The following CXCL13 variants were observed in gnomAD, a reference collection of about 807,000 sequenced individuals.
CXCL13 encodes the protein C-X-C motif chemokine ligand 13, also known as C-X-C motif chemokine 13.
Under a neutral mutation model 12.2 loss-of-function variants are expected in CXCL13, and 7 were observed. That is an observed-to-expected ratio of 0.57 (90% CI 0.33 to 1.07). CXCL13 has a LOEUF of 1.07. Among genes scored for constraint, CXCL13 ranks in the 50% least tolerant of loss-of-function variants. The pLI, the probability that CXCL13 is intolerant of heterozygous loss-of-function variation, is 0.04. For missense variants in CXCL13, 113 were observed against 127.4 expected (o/e 0.89, Z 0.55); for synonymous variants, 47 against 42.4 (o/e 1.11, Z -0.42).
chr4:77,559,689 G>A (rs1208122648), intron 1 of CXCL13, among the ~76,000 whole-genome samples: 4 of 152,048 alleles, frequency 2.6e-5, no homozygotes, highest in African/African-American at 4.8e-5. Context: ...TTGGGAGGCC[G>A]AGGCAGGCAG....
chr4:77,564,910 G>A (rs534379461), intron 1 of CXCL13, among the ~76,000 whole-genome samples: 5 of 152,206 alleles, frequency 3.3e-5, no homozygotes. Flanking sequence ...GTAGGGGTTA[G>A]GGTGGGGGCA....
intron 1 of CXCL13, among the ~76,000 whole-genome samples, chr4:77,523,539 G>A (rs759005684): frequency 5.3e-5 from 8 of 152,064 alleles, no homozygotes; most frequent in Non-Finnish European, 1.0e-4. Context: ...CGAAGTTCTC[G>A]TGCCATGGTT....
At chr4:77,533,011 C>T (rs1401074393) in intron 1 of CXCL13, among the ~76,000 whole-genome samples, 2 of 150,352 alleles carry the variant, frequency 1.3e-5, no homozygotes, top group African/African-American at 2.5e-5. Flanking sequence ...GTAGTTTGAT[C>T]GTCTGAAGTC....
At chr4:77,608,564 C>T (rs893445588) in intron 2 of CXCL13, among the ~76,000 whole-genome samples, 3 of 152,192 alleles carry the variant, frequency 2.0e-5, no homozygotes, top group African/African-American at 4.8e-5. Flanking sequence ...TCAGGGCATC[C>T]CTGACTTGGC....
intron 1 of CXCL13, among the ~76,000 whole-genome samples, chr4:77,588,561 AT>A (rs1312115067): frequency 2.0e-5 from 3 of 152,104 alleles, no homozygotes; most frequent in Non-Finnish European, 4.4e-5. Context: ...TAAATATGTA[AT>A]TTTTTCTTAT....
chr4:77,605,421 G>A (rs535262659), upstream of CXCL13, among the ~76,000 whole-genome samples: 1 of 152,152 alleles, frequency 6.6e-6, no homozygotes, highest in Non-Finnish European at 1.5e-5. Flanking sequence ...TGCTAGGGAC[G>A]TGATGCGCTC....
At chr4:77,610,760 A>G (rs1727126739) in intron 3 of CXCL13, 66 bp downstream of exon 3, 1 of 1,214,822 alleles carries the variant, frequency 8.2e-7, no homozygotes, top group Non-Finnish European at 1.2e-6. Flanking sequence ...TTTCCTGGGC[A>G]GTCAAAATAG....
chr4:77,599,086 G>A (rs1466972132), intron 1 of CXCL13, among the ~76,000 whole-genome samples: 3 of 151,928 alleles, frequency 2.0e-5, no homozygotes, highest in African/African-American at 7.3e-5. Flanking sequence ...AGAGATTACA[G>A]GCATGAGCCA....
chr4:77,545,254 T>C (rs992404992), intron 1 of CXCL13, among the ~76,000 whole-genome samples: 10 of 152,210 alleles, frequency 6.6e-5, no homozygotes, highest in Non-Finnish European at 1.3e-4. Flanking sequence ...CCATATGAAC[T>C]TTAAAGTAGT....
At chr4:77,532,454 C>A (rs911707336) in intron 1 of CXCL13, among the ~76,000 whole-genome samples, 1 of 152,152 alleles carries the variant, frequency 6.6e-6, no homozygotes, top group Non-Finnish European at 1.5e-5. Context: ...GGTAACCTGA[C>A]CTTTCTCTCT....
chr4:77,577,457 T>G (rs1475547953), intron 1 of CXCL13, among the ~76,000 whole-genome samples: 2 of 152,110 alleles, frequency 1.3e-5, no homozygotes, highest in Admixed American at 1.3e-4. Flanking sequence ...CAGACAATAA[T>G]GGAAGTTAAA....
rs568294936 is a variant in CXCL13 at position 77,582,747 on chromosome 4, T to C, written c.-42-23077T>C. Among the ~76,000 whole-genome samples the C allele has an allele frequency of 3.3e-5, 5 of 152,302 alleles. No homozygotes were observed. In the South Asian group the frequency reaches 8.3e-4, roughly 25 times the overall value. On this transcript the variant is annotated intron_variant, in intron 1 of 4. Coordinates refer to the CXCL13 transcript ENST00000286758. ...ACATATTTTTTAAAAATGCTTCTGC[T>C]GCAATATGAAGAATTGGTGCAGGGG...
chr4:77,553,759 C>T (rs1042825181), intron 1 of CXCL13, among the ~76,000 whole-genome samples: 2 of 152,188 alleles, frequency 1.3e-5, no homozygotes, highest in South Asian at 2.1e-4. Flanking sequence ...TACTACCTCG[C>T]TGTTTCCGAG....
rs561826245 is a variant in CXCL13 at position 77,534,056 on chromosome 4, G to A, written c.-43+22268G>A. Among the ~76,000 whole-genome samples the A allele has an allele frequency of 2.4e-4, 37 of 152,244 alleles. No individual in the cohort carries two copies. In the South Asian group the frequency reaches 4.4e-3, roughly 18 times the overall value. ...ACCCTCTGTCCTGCACCCACTTTCC[G>A]ACACTCCCCAGTGAGATGAACCTGG... On this transcript the variant is annotated intron_variant, in intron 1 of 4. Coordinates refer to the CXCL13 transcript ENST00000286758.
chr4:77,533,645 C>A (rs576817552), intron 1 of CXCL13, among the ~76,000 whole-genome samples: 1 of 152,172 alleles, frequency 6.6e-6, no homozygotes, highest in African/African-American at 2.4e-5. Context: ...GAGTCTATAG[C>A]GGTAGGCAGG....
At chr4:77,593,405 G>T (rs1374020924) in intron 1 of CXCL13, among the ~76,000 whole-genome samples, 1 of 152,148 alleles carries the variant, frequency 6.6e-6, no homozygotes, top group Non-Finnish European at 1.5e-5. Flanking sequence ...ACCTAAGTTC[G>T]AGAGTCGTCA....
chr4:77,515,618 T>C lies in CXCL13; in HGVS notation c.-43+3830T>C, dbSNP rs537480694. Among the ~76,000 whole-genome samples the C allele has an allele frequency of 3.0e-3, 451 of 152,308 alleles. 3 individuals carry two copies. Among genetic ancestry groups the C allele is most frequent in the African/African-American group, 0.01 (434 of 41,558 alleles). On this transcript the variant is annotated intron_variant, in intron 1 of 4. Coordinates refer to the CXCL13 transcript ENST00000286758. ...ATTTGGCTCTCTGTTTGTCTGTTAT[T>C]GGTGTATAAGAATGCTTGTGATTTT...
chr4:77,591,027 G>A (rs1291392666), intron 1 of CXCL13, among the ~76,000 whole-genome samples: 2 of 152,154 alleles, frequency 1.3e-5, no homozygotes, highest in African/African-American at 4.8e-5. Context: ...TTACAGGCAT[G>A]CACTCCACAC....
chr4:77,544,263 G>C (rs932324694), intron 1 of CXCL13, among the ~76,000 whole-genome samples: 8 of 152,190 alleles, frequency 5.3e-5, no homozygotes, highest in African/African-American at 1.7e-4. Flanking sequence ...CATATACCAA[G>C]TAATGGGATG....
Sources: allele counts gnomAD v4.1 joint callset (sites outside exome capture counted in the v4.1 genomes callset), GRCh38; gene constraint gnomAD v4.1.1; transcripts MANE v1.5; gene names NCBI Gene and HGNC (gene_info 2026-07-23, HGNC 2026-07-21).